The following MRRF variants were observed in gnomAD, a reference collection of about 807,000 sequenced individuals.
MRRF encodes the protein ribosome-recycling factor, mitochondrial.
A neutral mutation model predicts 25.1 loss-of-function variants in MRRF; 18 were observed. That is an observed-to-expected ratio of 0.72 (90% CI 0.50 to 1.06). The LOEUF is 1.06. Ranked by LOEUF, MRRF falls within the 50% of genes least tolerant of loss-of-function variation. MRRF has a pLI of 0.00. For synonymous variants in MRRF, 113 were observed against 112.1 expected, an observed-to-expected ratio of 1.01 and a Z score of -0.05; for missense variants, 323 against 319.3, an observed-to-expected ratio of 1.01 and a Z score of -0.09.
chr9:122,269,223 G>C (rs540397420), intron 1 of MRRF, among the ~76,000 whole-genome samples: 1 of 151,658 alleles, frequency 6.6e-6, no homozygotes, highest in Admixed American at 6.6e-5. Context: ...CTATATTCCT[G>C]GCACTATGTT....
chr9:122,309,297 G>A (rs1835063587), intron 5 of MRRF, among the ~76,000 whole-genome samples: 1 of 152,088 alleles, frequency 6.6e-6, no homozygotes, highest in African/African-American at 2.4e-5. Flanking sequence ...TGTTTATTGA[G>A]CTGTCAGTGG....
chr9:122,282,012 T>G (rs974510948), intron 3 of MRRF, among the ~76,000 whole-genome samples: 3 of 152,196 alleles, frequency 2.0e-5, no homozygotes, highest in Non-Finnish European at 2.9e-5. Flanking sequence ...TCAGGAAGAC[T>G]GAATTAAGAT....
In MRRF at chr9:122,329,648, C is replaced by T. The variant is rs1035136658; in HGVS notation, c.*7031C>T. 4 of 152,350 alleles carry T rather than the reference C, an allele frequency of 2.6e-5. No individual in the cohort carries two copies. Among genetic ancestry groups the T allele is most frequent in the African/African-American group, 9.6e-5 (4 of 41,454 alleles). The allele number at this position is 152,350 out of a possible 1,614,324, so 9.4% of individuals were successfully genotyped here. A position where few individuals can be genotyped will look rare whatever the true frequency, so the allele number is the denominator to read the frequency against. On this transcript the variant is annotated 3_prime_UTR_variant, in exon 7 of 7. Coordinates refer to ENST00000344641, the MANE Select transcript of MRRF (RefSeq NM_138777.5). ...CCTCTCCCCTCATCCAATAAGTCAC[C>T]AAGTCCTGTCAATTCTCCCTTCAAC... is the stretch of plus-strand genomic sequence containing the variant.
chr9:122,283,621 G>T (rs1012608627), intron 3 of MRRF, among the ~76,000 whole-genome samples: 1 of 152,176 alleles, frequency 6.6e-6, no homozygotes, highest in Non-Finnish European at 1.5e-5. Context: ...ATTGAATCTG[G>T]TTGAGTATCT....
chr9:122,329,749 T>C lies in MRRF; in HGVS notation c.*7132T>C, dbSNP rs1836234382. The stretch of plus-strand genomic sequence containing the variant: ...AACAGATGTGGCAAATGTTCCAGGC[T>C]GGCCTCACCCGGGTCTCTAGACACT... On this transcript the variant is annotated 3_prime_UTR_variant, in exon 7 of 7. Transcript: ENST00000344641. The C allele has an allele frequency of 6.6e-6, 1 of 152,296 alleles. No individual in the cohort carries two copies. The highest frequency in any genetic ancestry group is 1.5e-5 in the Non-Finnish European group (1 of 68,100). The allele number at this position is 152,296 out of a possible 1,614,324, so 9.4% of individuals were successfully genotyped here.
chr9:122,325,820 T>G lies in MRRF; in HGVS notation c.*3203T>G, dbSNP rs1257363364. 5.4e-5 allele frequency: 8 copies of G among 148,796 alleles called. No individual in the cohort carries two copies. Among genetic ancestry groups the G allele is most frequent in the African/African-American group, 2.0e-4 (8 of 40,180 alleles). The allele number at this position is 148,796 out of a possible 1,614,324, so 9.2% of individuals were successfully genotyped here. A position where few individuals can be genotyped will look rare whatever the true frequency, so the allele number is the denominator to read the frequency against. Reference sequence around the variant, plus strand: ...TATATGTGTGTGTGTGTGTGTGTGTTCGTTTCATTTTGTTTTGCCTTTGAG... The same window carrying G: ...TATATGTGTGTGTGTGTGTGTGTGTGCGTTTCATTTTGTTTTGCCTTTGAG... On this transcript the variant is annotated 3_prime_UTR_variant, in exon 7 of 7. Coordinates refer to ENST00000344641, the MANE Select transcript of MRRF (RefSeq NM_138777.5).
chr9:122,309,824 T>C (rs187719349), intron 5 of MRRF, among the ~76,000 whole-genome samples: 17 of 152,286 alleles, frequency 1.1e-4, no homozygotes, highest in Admixed American at 1.0e-3. Flanking sequence ...AAAGAGAAAA[T>C]TTCAGGGCTA....
At chr9:122,299,630 AC>A (rs1317908763) in intron 5 of MRRF, among the ~76,000 whole-genome samples, 1 of 152,130 alleles carries the variant, frequency 6.6e-6, no homozygotes. Context: ...AGGTTTGGGG[AC>A]TAAGCCTTGG....
At chr9:122,301,954 G>A (rs1834497442) in intron 5 of MRRF, among the ~76,000 whole-genome samples, 1 of 150,576 alleles carries the variant, frequency 6.6e-6, no homozygotes, top group Admixed American at 6.6e-5. Context: ...ATGTTGCCTA[G>A]GCTGCTCTTG....
intron 4 of MRRF, among the ~76,000 whole-genome samples, chr9:122,290,749 G>A (rs2118791729): frequency 6.6e-6 from 1 of 152,296 alleles, no homozygotes; most frequent in South Asian, 2.1e-4. Flanking sequence ...TCATGCCAAT[G>A]AAAGGATCTC....
At chr9:122,285,686 G>A (rs1181807773) in intron 4 of MRRF, 9 of 1,073,124 alleles carry the variant, frequency 8.4e-6, no homozygotes, top group South Asian at 1.6e-5. Context: ...CTGATACTAC[G>A]ATTTTTATTT....
chr9:122,275,095 C>CTT (rs200378532), intron 2 of MRRF, among the ~76,000 whole-genome samples: 31 of 138,940 alleles, frequency 2.2e-4, no homozygotes, highest in African/African-American at 8.2e-4. Context: ...TAGTTACCTC[C>CTT]TTTTTTTTTT....
intron 6 of MRRF, among the ~76,000 whole-genome samples, chr9:122,316,852 A>G (rs1383953572): frequency 6.6e-6 from 1 of 150,826 alleles, no homozygotes; most frequent in Non-Finnish European, 1.5e-5. Context: ...AGTTTTAAAC[A>G]TGATTGAGAA....
chr9:122,313,112 G>T, intron 5 of MRRF, 115 bp from the exon 6 acceptor site: 1 of 1,098,362 alleles, frequency 9.1e-7, no homozygotes. Context: ...CAGGAGTTCA[G>T]CCCACAGAGA....
chr9:122,322,156 T>G (rs776715309), intron 6 of MRRF, among the ~76,000 whole-genome samples: 1 of 152,022 alleles, frequency 6.6e-6, no homozygotes, highest in Non-Finnish European at 1.5e-5. Context: ...GTCAGGAGAT[T>G]GAGACCATTC....
In MRRF at chr9:122,327,539, A is replaced by G. The variant is rs569975462; in HGVS notation, c.*4922A>G. On this transcript the variant is annotated 3_prime_UTR_variant, in exon 7 of 7. Coordinates refer to ENST00000344641, the MANE Select transcript of MRRF (RefSeq NM_138777.5). ...TATGTATGCAGGAAATGTAGCTTAT[A>G]GAGTATGTTGTTTAGGTTTTCCATT... The G allele has an allele frequency of 5.7e-4, 87 of 152,328 alleles. 1 individual carries two copies. Among genetic ancestry groups the G allele is most frequent in the African/African-American group, 2.1e-3 (86 of 41,576 alleles). The allele number at this position is 152,328 out of a possible 1,614,324, so 9.4% of individuals were successfully genotyped here. A position where few individuals can be genotyped will look rare whatever the true frequency, so the allele number is the denominator to read the frequency against.
At chr9:122,311,666 A>G (rs1835213777) in intron 5 of MRRF, among the ~76,000 whole-genome samples, 2 of 152,168 alleles carry the variant, frequency 1.3e-5, no homozygotes, top group African/African-American at 4.8e-5. Flanking sequence ...ATTGTAGTGA[A>G]AAGAAAAGTT....
intron 4 of MRRF, among the ~76,000 whole-genome samples, chr9:122,287,332 GA>G: frequency 6.6e-6 from 1 of 152,306 alleles, no homozygotes; most frequent in South Asian, 2.1e-4. Context: ...TCCTTGAATG[GA>G]TGAATACCTG....
At chr9:122,304,431 C>A (rs1044798128) in intron 5 of MRRF, among the ~76,000 whole-genome samples, 2 of 152,162 alleles carry the variant, frequency 1.3e-5, no homozygotes, top group Non-Finnish European at 2.9e-5. Flanking sequence ...GAATGGGGCT[C>A]CTTCCCAGCG....
Sources: allele counts gnomAD v4.1 joint callset (sites outside exome capture counted in the v4.1 genomes callset), GRCh38; gene constraint gnomAD v4.1.1; transcripts MANE v1.5; gene names NCBI Gene and HGNC (gene_info 2026-07-23, HGNC 2026-07-21).